ZNF723: variants seen among roughly 807,000 people sequenced by gnomAD.
The protein encoded by ZNF723 is zinc finger protein 723.
In ZNF723, 5 loss-of-function variants were observed where a neutral mutation model predicts 9.4. The observed-to-expected ratio is 0.53, with a 90% CI of 0.28 to 1.12. The LOEUF is 1.12. ZNF723 is among the 50% of genes most tolerant of loss of function. The probability of loss-of-function intolerance (pLI) is 0.10; values close to 1 mark genes in which losing one functional copy is unlikely to be tolerated. For missense variants in ZNF723, 450 were observed against 501.5 expected (o/e 0.90, Z 0.98); for synonymous variants, 158 against 168.8 (o/e 0.94, Z 0.49).
At chr19:22,847,920 A>G (rs994092722) in intron 1 of ZNF723, among the ~76,000 whole-genome samples, 5 of 151,858 alleles carry the variant, frequency 3.3e-5, no homozygotes, top group Admixed American at 3.3e-4. Context: ...GGCCAATATG[A>G]TGAAACCCCA....
At chr19:22,815,852 G>A in the ZNF723 span, among the ~76,000 whole-genome samples, 35 of 152,306 alleles carry the variant, frequency 2.3e-4, no homozygotes, top group Admixed American at 1.4e-3. Context: ...TTTCTTGTAT[G>A]TGAATCCCAT....
chr19:22,823,094 A>G, the ZNF723 span, among the ~76,000 whole-genome samples: 1 of 152,208 alleles, frequency 6.6e-6, no homozygotes, highest in African/African-American at 2.4e-5. Context: ...CTAGCCAATA[A>G]GAGAGATGTT....
chr19:22,837,704 G>A (rs1967184494), intron 1 of ZNF723, among the ~76,000 whole-genome samples: 1 of 152,044 alleles, frequency 6.6e-6, no homozygotes, highest in Non-Finnish European at 1.5e-5. Flanking sequence ...GCCACCACAG[G>A]ATTCCCACCC....
At chr19:22,851,435 G>A (rs565114212) in intron 3 of ZNF723, among the ~76,000 whole-genome samples, 1 of 152,090 alleles carries the variant, frequency 6.6e-6, no homozygotes, top group Non-Finnish European at 1.5e-5. Flanking sequence ...ACCTCCTAAA[G>A]TGCTGGGATT....
At chr19:22,815,731 T>G in the ZNF723 span, among the ~76,000 whole-genome samples, 1 of 152,114 alleles carries the variant, frequency 6.6e-6, no homozygotes, top group Non-Finnish European at 1.5e-5. Context: ...AGATCATGGG[T>G]CTCCTCTTTG....
the ZNF723 span, among the ~76,000 whole-genome samples, chr19:22,826,963 C>A: frequency 6.6e-6 from 1 of 152,200 alleles, no homozygotes; most frequent in Non-Finnish European, 1.5e-5. Context: ...TTTTAACCTA[C>A]TTCATAAGTC....
intron 1 of ZNF723, among the ~76,000 whole-genome samples, chr19:22,836,481 A>G (rs78287153): frequency 0.021 from 3,177 of 152,318 alleles, 55 homozygotes; most frequent in Non-Finnish European, 0.033. Flanking sequence ...GCTTTCTTCC[A>G]TAGGAAGGAG....
chr19:22,827,864 C>T (rs1256135732), upstream of ZNF723, among the ~76,000 whole-genome samples: 3 of 152,066 alleles, frequency 2.0e-5, no homozygotes, highest in South Asian at 6.2e-4. Context: ...CACCTGAGGT[C>T]GTGAGTTCGA....
chr19:22,841,899 A>G (rs1244487339), intron 1 of ZNF723, among the ~76,000 whole-genome samples: 1 of 152,210 alleles, frequency 6.6e-6, no homozygotes, highest in Non-Finnish European at 1.5e-5. Context: ...AAAGAAAAAA[A>G]CAAACCTTTC....
In ZNF723 at chr19:22,857,742, C is replaced by T; in HGVS notation, c.851C>T (p.Pro284Leu). 1 of 1,283,914 alleles carries T rather than the reference C, an allele frequency of 7.8e-7. No homozygotes were observed. The highest frequency in any genetic ancestry group is 1.5e-5 in the African/African-American group (1 of 68,378). The allele number at this position is 1,283,914 out of a possible 1,614,324, so 79.5% of individuals were successfully genotyped here. Residue 284 changes from proline (P) to leucine (L), a missense_variant, in exon 4 of 4, where the codon CCC becomes CTC. By Grantham distance (98) the Pro-to-Leu change is moderately conservative. Coordinates refer to ENST00000600766, the MANE Select transcript of ZNF723 (RefSeq NM_001349726.2). The part of the protein sequence containing the change: ...NHKRIHTGEK[P>L]YKCKECGKAF... ...AAGAGAATTCACACTGGAGAGAAAC[C>T]CTACAAATGTAAAGAATGTGGCAAA...
chr19:22,822,180 C>T, the ZNF723 span, among the ~76,000 whole-genome samples: 1 of 152,222 alleles, frequency 6.6e-6, no homozygotes, highest in Non-Finnish European at 1.5e-5. Context: ...GTCTACCACA[C>T]AGGTAAGATT....
Position 22,849,796 on chromosome 19 carries a change from C to T in ZNF723, c.226+503C>T, listed in dbSNP as rs114323504. Among the ~76,000 whole-genome samples, 1,117 of 152,100 alleles carry T rather than the reference C, an allele frequency of 7.3e-3. 10 individuals carry two copies. Among genetic ancestry groups the T allele is most frequent in the African/African-American group, 0.025 (1,058 of 41,494 alleles). On this transcript the variant is annotated intron_variant, in intron 3 of 3. Transcript: ENST00000600766. ...TGGTGGCGCACTTCTGTAATCCCAG[C>T]TATTTGGTAGGCTGAGTCAGGAGAA...
At chr19:22,814,656 T>C in the ZNF723 span, among the ~76,000 whole-genome samples, 1 of 152,198 alleles carries the variant, frequency 6.6e-6, no homozygotes, top group Non-Finnish European at 1.5e-5. Flanking sequence ...CTCTCATACC[T>C]AGAACCAGGA....
chr19:22,843,251 C>T (rs1428392217), intron 1 of ZNF723, among the ~76,000 whole-genome samples: 1 of 152,200 alleles, frequency 6.6e-6, no homozygotes, highest in Non-Finnish European at 1.5e-5. Context: ...GCCATCAGCC[C>T]AGGGTCACTG....
chr19:22,822,459 G>A, the ZNF723 span, among the ~76,000 whole-genome samples: 1 of 152,198 alleles, frequency 6.6e-6, no homozygotes, highest in African/African-American at 2.4e-5. Flanking sequence ...GCAAGGTCCT[G>A]GGCTTTCTAC....
At chr19:22,853,242 G>C (rs1475411570) in intron 3 of ZNF723, among the ~76,000 whole-genome samples, 1 of 151,934 alleles carries the variant, frequency 6.6e-6, no homozygotes, top group East Asian at 1.9e-4. Context: ...TTTGAAATCA[G>C]GAACTGTAAT....
At chr19:22,833,926 C>CTTTTTTT (rs34792208) in intron 1 of ZNF723, among the ~76,000 whole-genome samples, 3 of 89,316 alleles carry the variant, frequency 3.4e-5, no homozygotes, top group South Asian at 4.0e-4. Flanking sequence ...TTTTAGCGTA[C>CTTTTTTT]TTTTTTTTTT....
At chr19:22,851,458 C>A (rs1443298606) in intron 3 of ZNF723, among the ~76,000 whole-genome samples, 1 of 152,120 alleles carries the variant, frequency 6.6e-6, no homozygotes, top group African/African-American at 2.4e-5. Flanking sequence ...AGGCGTGAGG[C>A]ACCGCGCCCA....
chr19:22,838,197 CT>C (rs1205531856), intron 1 of ZNF723, among the ~76,000 whole-genome samples: 1 of 152,114 alleles, frequency 6.6e-6, no homozygotes, highest in East Asian at 1.9e-4. Context: ...CCAGGTAGGC[CT>C]CAGTGTCTGT....
Sources: allele counts gnomAD v4.1 joint callset (sites outside exome capture counted in the v4.1 genomes callset), GRCh38; gene constraint gnomAD v4.1.1; transcripts MANE v1.5; gene names NCBI Gene and HGNC (gene_info 2026-07-23, HGNC 2026-07-21).